GRIK5: variants seen among roughly 807,000 people sequenced by gnomAD.
The protein encoded by GRIK5 is glutamate receptor ionotropic, kainate 5.
Under a neutral mutation model 97.4 loss-of-function variants are expected in GRIK5, and 43 were observed. The observed-to-expected ratio is 0.44, with a 90% confidence interval of 0.35 to 0.57. The LOEUF (loss-of-function observed/expected upper bound fraction) is 0.57. Among genes scored for constraint, GRIK5 ranks in the 20% least tolerant of loss-of-function variants. The pLI is 0.01. For missense variants in GRIK5, 1,015 were observed against 1,382.0 expected (o/e 0.73, Z 4.21); for synonymous variants, 580 against 583.5 (o/e 0.99, Z 0.09).
rs782613539 is a variant in GRIK5 at position 42,006,533 on chromosome 19, T to C, written c.2037+112A>G. The C allele has an allele frequency of 5.5e-6, 5 of 903,082 alleles. No individual in the cohort carries two copies. Among genetic ancestry groups the C allele is most frequent in the Middle Eastern group, 3.3e-4 (1 of 3,050 alleles). 55.9% of individuals were successfully genotyped at this position (903,082 alleles called of 1,614,324 possible). ...GTTTTCTGCTCCCCAGCCTCCAGGCTGTCACTGACAATCAGTCCCTCTGAC... is the reference window on the plus strand; with the variant it reads ...GTTTTCTGCTCCCCAGCCTCCAGGCCGTCACTGACAATCAGTCCCTCTGAC... On this transcript the variant is annotated intron_variant, in intron 16 of 19. Transcript: ENST00000593562. The surrounding 1 kb of genome is among the most constrained non-coding windows in gnomAD (Gnocchi z 5.3).
chr19:42,056,541 AC>A (rs1458515305), intron 8 of GRIK5, 120 bp downstream of exon 8: 1 of 785,196 alleles, frequency 1.3e-6, no homozygotes, highest in Non-Finnish European at 2.1e-6. Context: ...ACAAGGCCAC[AC>A]CACGAGGCCT....
chr19:42,006,707 C>T lies in GRIK5; in HGVS notation c.1975G>A (p.Ala659Thr). 1 of 1,614,038 alleles carries T rather than the reference C, an allele frequency of 6.2e-7. No individual in the cohort carries two copies. Among genetic ancestry groups the T allele is most frequent in the Non-Finnish European group, 8.5e-7 (1 of 1,179,972 alleles). ...EVPVESADDL[A>T]DQTNIEYGTI... ...CCATACTCGATGTTGGTCTGATCTG[C>T]CAGGTCATCGGCCGACTCCACAGGC... Residue 659 changes from alanine (A) to threonine (T), a missense_variant, in exon 16 of 20, where the codon GCA becomes ACA. Transcript: ENST00000593562. This position sits in a 1 kb window ranked among gnomAD's most constrained non-coding sequence, Gnocchi z 5.3.
intron 15 of GRIK5, among the ~76,000 whole-genome samples, chr19:42,013,244 C>A (rs2075585024): frequency 6.6e-6 from 1 of 151,254 alleles, no homozygotes; most frequent in African/African-American, 2.4e-5. Flanking sequence ...CCTAGCTACT[C>A]AGTAGGCGGA....
At chr19:42,023,030 G>A (rs971711360) in intron 12 of GRIK5, among the ~76,000 whole-genome samples, 22 of 152,220 alleles carry the variant, frequency 1.4e-4, no homozygotes, top group African/African-American at 3.9e-4. Flanking sequence ...AGGTTGGTGA[G>A]AGATGGCACA....
intron 12 of GRIK5, among the ~76,000 whole-genome samples, chr19:42,031,312 G>A (rs2075837747): frequency 6.6e-6 from 1 of 152,200 alleles, no homozygotes; most frequent in Non-Finnish European, 1.5e-5. Context: ...TTGCACAAAG[G>A]ATAGAGAATT....
chr19:42,022,720 C>A lies in GRIK5; in HGVS notation c.1474-366G>T. ...GTCCTGAAGGGGCTGAGACTGACAG[C>A]ACTCGAGATAATACAGGCCCGGACA... On this transcript the variant is annotated intron_variant, in intron 12 of 19. Transcript: ENST00000593562. This position sits in a 1 kb window ranked among gnomAD's most constrained non-coding sequence, Gnocchi z 4.2. 1 of 935,226 alleles carries A rather than the reference C, an allele frequency of 1.1e-6. No individual in the cohort carries two copies. Among genetic ancestry groups the A allele is most frequent in the Non-Finnish European group, 1.3e-6 (1 of 784,552 alleles). 57.9% of individuals were successfully genotyped at this position (935,226 alleles called of 1,614,324 possible). A position where few individuals can be genotyped will look rare whatever the true frequency, so the allele number is the denominator to read the frequency against.
At chr19:42,048,973 C>G (rs1029081886) in intron 11 of GRIK5, among the ~76,000 whole-genome samples, 19 of 148,840 alleles carry the variant, frequency 1.3e-4, no homozygotes, top group African/African-American at 4.7e-4. Flanking sequence ...GCCTGGAGGT[C>G]GAAGCTGCAG....
chr19:42,038,786 G>A (rs1000101297), intron 12 of GRIK5, among the ~76,000 whole-genome samples: 2 of 152,238 alleles, frequency 1.3e-5, no homozygotes, highest in South Asian at 2.1e-4. Flanking sequence ...CACATGGTGT[G>A]AAATCAACAA....
chr19:42,000,035 T>G (rs1394391538), intron 19 of GRIK5, among the ~76,000 whole-genome samples: 1 of 152,164 alleles, frequency 6.6e-6, no homozygotes, highest in Non-Finnish European at 1.5e-5. Context: ...TTGGCACGTC[T>G]GAGGCACTGC....
At chr19:42,011,569 A>T (rs1181960326) in intron 15 of GRIK5, among the ~76,000 whole-genome samples, 1 of 151,728 alleles carries the variant, frequency 6.6e-6, no homozygotes, top group South Asian at 2.1e-4. Flanking sequence ...AAAAAAAAAA[A>T]GTATTTTGTA....
intron 12 of GRIK5, among the ~76,000 whole-genome samples, chr19:42,036,908 A>T (rs1021859666): frequency 5.3e-5 from 8 of 152,158 alleles, no homozygotes; most frequent in Non-Finnish European, 1.2e-4. Flanking sequence ...GTCCCCTGTG[A>T]TACCCCTCCA....
chr19:42,052,337 C>T (rs182685435), intron 11 of GRIK5, among the ~76,000 whole-genome samples: 5 of 152,024 alleles, frequency 3.3e-5, no homozygotes, highest in African/African-American at 9.6e-5. Flanking sequence ...AGGGATTGAC[C>T]GCACACCACA....
chr19:42,063,287 C>T (rs1276431282), intron 3 of GRIK5: 2 of 459,146 alleles, frequency 4.4e-6, no homozygotes, highest in Admixed American at 4.7e-5. Flanking sequence ...ACACCACTCT[C>T]CCACTGCACT....
At chr19:42,034,352 T>C (rs2146085860) in intron 12 of GRIK5, among the ~76,000 whole-genome samples, 1 of 152,158 alleles carries the variant, frequency 6.6e-6, no homozygotes, top group Admixed American at 6.5e-5. Flanking sequence ...CCAGCCTCGG[T>C]GACAGAGCAA....
Position 42,008,707 on chromosome 19 carries a change from C to T in GRIK5, c.1872-1897G>A, listed in dbSNP as rs376846844. ...AAAAATCACTCAATTGAAACAGACC[C>T]AGAATTGACATAGATGATGACGGAA... On this transcript the variant is annotated intron_variant, in intron 15 of 19. Transcript: ENST00000593562. 5.9e-5 allele frequency among the ~76,000 whole-genome samples: 9 copies of T among 152,124 alleles called. No homozygotes were observed. The East Asian group carries it at 1.7e-3, about 29-fold the overall frequency.
At chr19:42,020,274 T>C (rs1462378080) in intron 15 of GRIK5, among the ~76,000 whole-genome samples, 1 of 152,212 alleles carries the variant, frequency 6.6e-6, no homozygotes, top group East Asian at 1.9e-4. Flanking sequence ...AGTCTTGACT[T>C]GAAAAAGGCA....
intron 1 of GRIK5, among the ~76,000 whole-genome samples, chr19:42,067,840 T>C (rs998592367): frequency 2.0e-5 from 3 of 151,714 alleles, no homozygotes; most frequent in African/African-American, 7.3e-5. Context: ...ACAGGGCAGG[T>C]AGGGTGTCAG....
chr19:42,014,828 G>A (rs565028421), intron 15 of GRIK5, among the ~76,000 whole-genome samples: 1 of 152,318 alleles, frequency 6.6e-6, no homozygotes, highest in African/African-American at 2.4e-5. Flanking sequence ...GCCAAGATGG[G>A]AGAATCACTT....
chr19:42,018,330 AAAAAG>A (rs887900778), intron 15 of GRIK5, among the ~76,000 whole-genome samples: 11 of 148,966 alleles, frequency 7.4e-5, no homozygotes, highest in South Asian at 2.1e-4. Flanking sequence ...TCTCAAAAAA[AAAAAG>A]AAAAGAAAAG....
Sources: allele counts gnomAD v4.1 joint callset (sites outside exome capture counted in the v4.1 genomes callset), GRCh38; gene constraint gnomAD v4.1.1; non-coding constraint Gnocchi (gnomAD v3.1); transcripts MANE v1.5; gene names NCBI Gene and HGNC (gene_info 2026-07-23, HGNC 2026-07-21).